LPP: variants seen among roughly 807,000 people sequenced by gnomAD.
LPP encodes lipoma-preferred partner.
Under a neutral mutation model 60.4 loss-of-function variants are expected in LPP, and 38 were observed. That is an observed-to-expected ratio of 0.63 (90% confidence interval 0.49 to 0.83). LPP has a LOEUF of 0.83. Among genes scored for constraint, LPP ranks in the 40% least tolerant of loss-of-function variants. LPP has a pLI of 0.00. For missense variants in LPP, 902 were observed against 783.6 expected, an observed-to-expected ratio of 1.15 and a Z score of -1.80; for synonymous variants, 328 against 290.8, an observed-to-expected ratio of 1.13 and a Z score of -1.30.
At chr3:188,361,760 G>A (rs1196437395) in intron 3 of LPP, among the ~76,000 whole-genome samples, 1 of 152,056 alleles carries the variant, frequency 6.6e-6, no homozygotes, top group African/African-American at 2.4e-5. Flanking sequence ...TAGAGATGGG[G>A]TTTTGCCATG....
intron 9 of LPP, 119 bp downstream of exon 9, chr3:188,760,401 G>A: frequency 2.4e-6 from 2 of 847,636 alleles, no homozygotes; most frequent in Admixed American, 2.3e-5. Context: ...TTCAAAATGT[G>A]TGTGTGGGGT....
At chr3:188,384,330 A>ATGTGTGTGTGTGTGTGTG (rs61561622) in intron 3 of LPP, among the ~76,000 whole-genome samples, 3 of 148,798 alleles carry the variant, frequency 2.0e-5, no homozygotes, top group African/African-American at 7.5e-5. Flanking sequence ...ATGTATGTGC[A>ATGTGTGTGTGTGTGTGTG]TGTGTGTGTG....
intron 7 of LPP, among the ~76,000 whole-genome samples, chr3:188,655,004 CAT>C (rs1371217780): frequency 1.3e-4 from 20 of 152,266 alleles, no homozygotes; most frequent in Middle Eastern, 3.4e-3. Context: ...ATGGAACAAA[CAT>C]ATGTGTAATA....
At chr3:188,191,132 A>G (rs1195347978) in intron 1 of LPP, among the ~76,000 whole-genome samples, 3 of 152,210 alleles carry the variant, frequency 2.0e-5, no homozygotes, top group African/African-American at 7.2e-5. Context: ...TGAGAGGCTG[A>G]GATGTGAGAA....
intron 9 of LPP, among the ~76,000 whole-genome samples, chr3:188,791,393 A>G (rs1222465333): frequency 6.6e-6 from 1 of 152,002 alleles, no homozygotes; most frequent in African/African-American, 2.4e-5. Flanking sequence ...CTCTGTCTCT[A>G]GTTGTTCTGT....
chr3:188,743,510 G>C (rs1725147888), intron 8 of LPP: 1 of 152,136 alleles, frequency 6.6e-6, no homozygotes, highest in African/African-American at 2.4e-5. Context: ...ACTCCAGTCT[G>C]TGTGTGTTAA....
intron 7 of LPP, among the ~76,000 whole-genome samples, chr3:188,626,066 C>T (rs757423599): frequency 1.3e-5 from 2 of 151,932 alleles, no homozygotes; most frequent in Non-Finnish European, 2.9e-5. Context: ...TTTATGAAAC[C>T]TGAAGCTTTG....
At chr3:188,581,490 A>G (rs149860430) in intron 6 of LPP, among the ~76,000 whole-genome samples, 1 of 152,284 alleles carries the variant, frequency 6.6e-6, no homozygotes, top group African/African-American at 2.4e-5. Flanking sequence ...GGTTAGAGAC[A>G]TTCGACTAAA....
At chr3:188,557,924 T>G (rs757137897) in intron 6 of LPP, among the ~76,000 whole-genome samples, 4 of 152,086 alleles carry the variant, frequency 2.6e-5, no homozygotes, top group Non-Finnish European at 4.4e-5. Context: ...AGATCCCTGA[T>G]GTTATCAGTA....
chr3:188,171,556 G>A (rs1448111415), intron 1 of LPP, among the ~76,000 whole-genome samples: 2 of 152,210 alleles, frequency 1.3e-5, no homozygotes, highest in African/African-American at 4.8e-5. Context: ...TTGCCGGGTG[G>A]TGGTCCTGGC....
intron 3 of LPP, among the ~76,000 whole-genome samples, chr3:188,382,809 G>A (rs897474545): frequency 2.0e-5 from 3 of 152,060 alleles, no homozygotes; most frequent in Admixed American, 6.6e-5. Context: ...GGATGTTAAC[G>A]TCTCCTTAAA....
At chr3:188,714,122 G>A (rs1712797553) in intron 8 of LPP, among the ~76,000 whole-genome samples, 1 of 152,134 alleles carries the variant, frequency 6.6e-6, no homozygotes, top group Non-Finnish European at 1.5e-5. Flanking sequence ...AGTTGTTCAA[G>A]CTCACATAGC....
At chr3:188,786,320 T>C (rs1577545050) in intron 9 of LPP, among the ~76,000 whole-genome samples, 1 of 137,774 alleles carries the variant, frequency 7.3e-6, no homozygotes, top group African/African-American at 2.8e-5. Context: ...GAGGCAGAGG[T>C]TGCAGTGAGC....
intron 6 of LPP, among the ~76,000 whole-genome samples, chr3:188,574,597 C>A (rs371430736): frequency 6.6e-6 from 1 of 152,112 alleles, no homozygotes; most frequent in Non-Finnish European, 1.5e-5. Context: ...TGTGCATGTT[C>A]TTGCTCTCAA....
intron 6 of LPP, among the ~76,000 whole-genome samples, chr3:188,527,712 C>T (rs1821026749): frequency 5.9e-5 from 9 of 151,872 alleles, no homozygotes; most frequent in Admixed American, 5.9e-4. Context: ...TGCCACTGGA[C>T]TCAGCAGTAT....
chr3:188,542,488 T>A (rs77080693), intron 6 of LPP, among the ~76,000 whole-genome samples: 8,368 of 152,248 alleles, frequency 0.055, 773 homozygotes, highest in African/African-American at 0.19. Context: ...TTTATTTCCC[T>A]CCTGTGATTA....
intron 9 of LPP, among the ~76,000 whole-genome samples, chr3:188,791,674 T>A (rs6771446): frequency 6.6e-6 from 1 of 152,172 alleles, no homozygotes; most frequent in African/African-American, 2.4e-5. Context: ...AACACTCGTC[T>A]TGGGCTTTTG....
At chr3:188,213,509 T>C (rs1712136909) in intron 1 of LPP, among the ~76,000 whole-genome samples, 3 of 152,156 alleles carry the variant, frequency 2.0e-5, no homozygotes, top group Admixed American at 2.0e-4. Flanking sequence ...AATTGGGAGA[T>C]GTTAGAACTG....
At position 188,369,667 on chromosome 3, in the gene LPP, G is replaced by A. The variant is rs146952369; in HGVS notation, c.-10+27948G>A. Among the ~76,000 whole-genome samples, 611 of 152,250 alleles carry A rather than the reference G, an allele frequency of 4.0e-3. 10 individuals are homozygous for A. Among genetic ancestry groups the A allele is most frequent in the African/African-American group, 0.014 (591 of 41,544 alleles). ...GGTACTGTTTTAAGTGCTTTCCGTC[G>A]ATAAGCTCACTTAATTCTGACAGCA... On this transcript the variant is annotated intron_variant, in intron 3 of 11. Transcript: ENST00000617246.
Sources: allele counts gnomAD v4.1 joint callset (sites outside exome capture counted in the v4.1 genomes callset), GRCh38; gene constraint gnomAD v4.1.1; transcripts MANE v1.5; gene names NCBI Gene and HGNC (gene_info 2026-07-23, HGNC 2026-07-21).